Variants in NRXN1 observed in about 807,000 individuals in gnomAD.
NRXN1 encodes the protein neurexin 1.
In NRXN1, 39 loss-of-function variants were observed where a neutral mutation model predicts 150.9. The ratio of observed to expected loss-of-function variants is 0.26; its 90% CI spans 0.20 to 0.34. The LOEUF (loss-of-function observed/expected upper bound fraction) is 0.34. NRXN1 is among the 10% of genes least tolerant of loss of function. NRXN1 has a pLI of 1.00. For missense variants in NRXN1, 1,815 were observed against 1,949.9 expected (o/e 0.93, Z 1.30); for synonymous variants, 924 against 757.0 (o/e 1.22, Z -3.62).
rs1377885290 is a variant in NRXN1 at position 50,495,890 on chromosome 2, T to G, written c.3070+15A>C. 1 of 1,571,250 alleles carries G rather than the reference T, an allele frequency of 6.4e-7. No individual in the cohort carries two copies. ...GTGGTGCAAGGCTCGTTGCTCTGACTTAACATGCACTTACTCTTGAGGTCT... is the reference window on the plus strand; with the variant it reads ...GTGGTGCAAGGCTCGTTGCTCTGACGTAACATGCACTTACTCTTGAGGTCT... On this transcript the variant is annotated intron_variant, in intron 15 of 22. Transcript: ENST00000401669.
chr2:50,594,220 C>A (rs1674776422), intron 8 of NRXN1, among the ~76,000 whole-genome samples: 2 of 152,188 alleles, frequency 1.3e-5, no homozygotes, highest in Non-Finnish European at 2.9e-5. Flanking sequence ...TAATTTACTA[C>A]ATATCACAAC....
chr2:50,402,095 C>T (rs952453477), intron 17 of NRXN1, among the ~76,000 whole-genome samples: 8 of 152,052 alleles, frequency 5.3e-5, no homozygotes. Context: ...GGAACTCAGA[C>T]TAGTATAGCT....
chr2:50,400,160 T>TG, intron 17 of NRXN1, among the ~76,000 whole-genome samples: 1 of 152,198 alleles, frequency 6.6e-6, no homozygotes, highest in Admixed American at 6.5e-5. Context: ...TACTGTTACT[T>TG]GCTGATATAA....
intron 2 of NRXN1, among the ~76,000 whole-genome samples, chr2:50,943,128 GCATGCC>G (rs1380691673): frequency 6.6e-6 from 1 of 151,894 alleles, no homozygotes; most frequent in African/African-American, 2.4e-5. Flanking sequence ...ATCATGTAAG[GCATGCC>G]CTACTTCCCC....
At chr2:50,698,246 T>G (rs189016943) in intron 5 of NRXN1, among the ~76,000 whole-genome samples, 1 of 152,330 alleles carries the variant, frequency 6.6e-6, no homozygotes, top group Non-Finnish European at 1.5e-5. Flanking sequence ...CCAAGGACAT[T>G]TGGTAGTCCC....
At chr2:50,730,280 A>G (rs994170426) in intron 5 of NRXN1, among the ~76,000 whole-genome samples, 1 of 152,172 alleles carries the variant, frequency 6.6e-6, no homozygotes, top group Admixed American at 6.5e-5. Context: ...TAAATTTCCT[A>G]TTGTCGGCCT....
At chr2:50,120,118 A>G (rs540275388) in intron 18 of NRXN1, among the ~76,000 whole-genome samples, 2 of 151,762 alleles carry the variant, frequency 1.3e-5, no homozygotes, top group African/African-American at 4.9e-5. Flanking sequence ...GCAATTTAAT[A>G]TTATACTTGT....
At chr2:50,475,083 A>G (rs545299175) in intron 15 of NRXN1, among the ~76,000 whole-genome samples, 1 of 152,008 alleles carries the variant, frequency 6.6e-6, no homozygotes, top group East Asian at 1.9e-4. Context: ...AATACTACCT[A>G]CTCCTTTCAT....
chr2:50,977,369 T>TATTATATAC (rs1295097808), intron 2 of NRXN1, among the ~76,000 whole-genome samples: 1 of 151,978 alleles, frequency 6.6e-6, no homozygotes, highest in East Asian at 1.9e-4. Context: ...TGATACATAA[T>TATTATATAC]ATTATATACA....
At chr2:50,931,125 G>T (rs1235734621) in intron 2 of NRXN1, among the ~76,000 whole-genome samples, 1 of 152,084 alleles carries the variant, frequency 6.6e-6, no homozygotes, top group Non-Finnish European at 1.5e-5. Context: ...TTCTAGGTTT[G>T]CTATCATTAA....
In NRXN1 at chr2:49,978,388, G is replaced by A. The variant is rs143049776; in HGVS notation, c.4129-34597C>T. 2.6e-3 allele frequency among the ~76,000 whole-genome samples: 392 copies of A among 152,250 alleles called. 2 individuals are homozygous for A. The highest frequency in any genetic ancestry group is 0.017 in the Middle Eastern group (5 of 294). On this transcript the variant is annotated intron_variant, in intron 21 of 22. Coordinates refer to ENST00000401669, the MANE Select transcript of NRXN1 (RefSeq NM_001330078.2). ...CCCTCTCCCCTTAGAAACTATGTCTGCAGTTCTTGTCCTCGGGCTCTCACG... is the reference window on the plus strand; with the variant it reads ...CCCTCTCCCCTTAGAAACTATGTCTACAGTTCTTGTCCTCGGGCTCTCACG...
intron 5 of NRXN1, chr2:50,632,577 G>A (rs1024962549): frequency 2.6e-5 from 4 of 151,962 alleles, no homozygotes; most frequent in Admixed American, 6.6e-5. Context: ...ATTGTAACCC[G>A]ATCCCCAAGG....
At chr2:50,206,835 T>A (rs1220888096) in intron 18 of NRXN1, among the ~76,000 whole-genome samples, 1 of 150,370 alleles carries the variant, frequency 6.7e-6, no homozygotes, top group African/African-American at 2.4e-5. Flanking sequence ...TATTATGAAT[T>A]ACACAAACAA....
At chr2:50,039,110 G>A (rs1215817057) in intron 21 of NRXN1, among the ~76,000 whole-genome samples, 1 of 152,122 alleles carries the variant, frequency 6.6e-6, no homozygotes, top group Non-Finnish European at 1.5e-5. Flanking sequence ...CCAGGAGGCA[G>A]AGGTGGCGGT....
intron 21 of NRXN1, among the ~76,000 whole-genome samples, chr2:49,979,157 C>T (rs1172277642): frequency 2.0e-5 from 3 of 152,038 alleles, no homozygotes; most frequent in South Asian, 2.1e-4. Flanking sequence ...ATTAGCCAGG[C>T]GTGGTGGCAT....
chr2:50,320,284 A>T (rs6750240), intron 17 of NRXN1, among the ~76,000 whole-genome samples: 1,482 of 8,318 alleles, frequency 0.18, 64 homozygotes, highest in African/African-American at 0.4. Context: ...TACCTCAATC[A>T]TATATATATA....
chr2:50,552,383 C>A (rs1667662867), intron 9 of NRXN1, among the ~76,000 whole-genome samples: 3 of 152,126 alleles, frequency 2.0e-5, no homozygotes, highest in East Asian at 3.9e-4. Context: ...GACATTTGAG[C>A]ATTTGGGGTT....
At chr2:50,633,499 G>C (rs902146799) in intron 5 of NRXN1, among the ~76,000 whole-genome samples, 4 of 151,170 alleles carry the variant, frequency 2.6e-5, no homozygotes, top group Non-Finnish European at 2.9e-5. Context: ...CTTGACCAAG[G>C]CTTTTTGGTT....
At chr2:50,159,161 A>G (rs2059214469) in intron 18 of NRXN1, among the ~76,000 whole-genome samples, 1 of 152,170 alleles carries the variant, frequency 6.6e-6, no homozygotes, top group African/African-American at 2.4e-5. Flanking sequence ...CAGATTTGAT[A>G]AGATCACAGT....
Sources: allele counts gnomAD v4.1 joint callset (sites outside exome capture counted in the v4.1 genomes callset), GRCh38; gene constraint gnomAD v4.1.1; transcripts MANE v1.5; gene names NCBI Gene and HGNC (gene_info 2026-07-23, HGNC 2026-07-21).